HNMT: variants seen among roughly 807,000 people sequenced by gnomAD.
HNMT encodes histamine N-methyltransferase.
Under a neutral mutation model 32.1 loss-of-function variants are expected in HNMT, and 30 were observed. The ratio of observed to expected loss-of-function variants is 0.93; its 90% CI spans 0.70 to 1.27. The LOEUF is 1.27. Among genes scored for constraint, HNMT ranks in the 50% most tolerant of loss-of-function variants. The pLI is 0.00. For missense variants in HNMT, 327 were observed against 346.0 expected (o/e 0.95, Z 0.43); for synonymous variants, 125 against 119.0 (o/e 1.05, Z -0.33).
Position 138,013,886 on chromosome 2 carries a change from G to A in HNMT, c.635G>A (p.Gly212Glu). The A allele has an allele frequency of 1.2e-6, 2 of 1,613,696 alleles. No homozygotes were observed. Among genetic ancestry groups the A allele is most frequent in the Non-Finnish European group, 1.7e-6 (2 of 1,179,786 alleles). The change falls in exon 6 of 6, where the codon GGG (glycine) becomes GAG (glutamate). Residue 212 changes from glycine to glutamate, a missense_variant. Transcript: ENST00000280097. ...DDLTQMLDNLGLKYECYDLLS... is the reference protein window; with the variant it reads ...DDLTQMLDNLELKYECYDLLS... The stretch of plus-strand genomic sequence containing the variant: ...CTCACTCAGATGCTGGACAACCTAG[G>A]GCTTAAGTATGAGTGCTATGACCTT...
In HNMT at chr2:137,986,017, A is replaced by G. The variant is rs935267557; in HGVS notation, c.191-14901A>G. Among the ~76,000 whole-genome samples the G allele has an allele frequency of 5.3e-5, 8 of 152,212 alleles. No individual in the cohort carries two copies. In the East Asian group the frequency reaches 1.5e-3, roughly 29 times the overall value. ...TAAATAAAAATGTTTAATTAGATAC[A>G]TAATGGTAAATGTGGTACTAGTGTT... is the stretch of plus-strand genomic sequence containing the variant. On this transcript the variant is annotated intron_variant, in intron 2 of 5. Coordinates refer to ENST00000280097, the MANE Select transcript of HNMT (RefSeq NM_006895.3).
chr2:137,997,371 C>CA (rs1228335560), intron 2 of HNMT, among the ~76,000 whole-genome samples: 1 of 151,862 alleles, frequency 6.6e-6, no homozygotes, highest in African/African-American at 2.4e-5. Context: ...AAGATATGAA[C>CA]AGACACTTCT....
intron 4 of HNMT, among the ~76,000 whole-genome samples, chr2:138,003,312 C>T (rs1001912671): frequency 1.3e-5 from 2 of 152,080 alleles, no homozygotes; most frequent in Non-Finnish European, 2.9e-5. Flanking sequence ...ACTAACATTT[C>T]TGAATAGCAT....
intron 5 of HNMT, among the ~76,000 whole-genome samples, chr2:138,005,491 A>G (rs1681305192): frequency 6.6e-6 from 1 of 152,074 alleles, no homozygotes; most frequent in Admixed American, 6.6e-5. Context: ...TCCTTTTTAT[A>G]TAGCTTAAAT....
chr2:137,970,267 T>G, intron 2 of HNMT, 50 bp downstream of exon 2: 1 of 1,047,940 alleles, frequency 9.5e-7, no homozygotes, highest in Non-Finnish European at 1.4e-6. Context: ...ACCATTATGC[T>G]GTGTGATGAC....
chr2:138,002,264 ACTATT>A, intron 4 of HNMT, 70 bp downstream of exon 4: 1 of 1,124,404 alleles, frequency 8.9e-7, no homozygotes, highest in Non-Finnish European at 1.2e-6. Flanking sequence ...ATGAATATCT[ACTATT>A]CTAATTTTTA....
In HNMT at chr2:138,008,533, G is replaced by C. The variant is rs943738037; in HGVS notation, c.523+3308G>C. Among the ~76,000 whole-genome samples the C allele has an allele frequency of 5.4e-4, 82 of 151,664 alleles. 1 individual carries two copies. Among genetic ancestry groups the C allele is most frequent in the Admixed American group, 5.2e-3 (79 of 15,178 alleles). The stretch of plus-strand genomic sequence containing the variant: ...AATAGGTTTCCAAACCATACTATAG[G>C]GGGGTACAATAACCAAACAGCATGG... On this transcript the variant is annotated intron_variant, in intron 5 of 5. Transcript: ENST00000280097.
chr2:137,991,572 T>A (rs191543831), intron 2 of HNMT, among the ~76,000 whole-genome samples: 1 of 152,224 alleles, frequency 6.6e-6, no homozygotes, highest in East Asian at 1.9e-4. Context: ...AATAAAAGAC[T>A]ATTAACAAGG....
intron 2 of HNMT, among the ~76,000 whole-genome samples, chr2:137,990,363 C>T (rs1485782278): frequency 1.3e-5 from 2 of 152,116 alleles, no homozygotes; most frequent in Non-Finnish European, 2.9e-5. Flanking sequence ...ATTGTATTGC[C>T]TTTGCTCCCT....
At chr2:138,012,412 C>G (rs1681534124) in intron 5 of HNMT, among the ~76,000 whole-genome samples, 2 of 152,070 alleles carry the variant, frequency 1.3e-5, no homozygotes, top group Non-Finnish European at 2.9e-5. Flanking sequence ...ACAAACATTG[C>G]TAAAAGGTCT....
chr2:138,011,162 CA>C (rs1681492129), intron 5 of HNMT, among the ~76,000 whole-genome samples: 1 of 151,570 alleles, frequency 6.6e-6, no homozygotes, highest in African/African-American at 2.4e-5. Flanking sequence ...CTGACACCAG[CA>C]AATTTTTTGC....
rs115000119 is a variant in HNMT at position 137,992,176 on chromosome 2, G to C, written c.191-8742G>C. 6.2e-3 allele frequency among the ~76,000 whole-genome samples: 947 copies of C among 152,342 alleles called. 11 individuals carry two copies. The highest frequency in any genetic ancestry group is 0.021 in the African/African-American group (889 of 41,570). On this transcript the variant is annotated intron_variant, in intron 2 of 5. Coordinates refer to ENST00000280097, the MANE Select transcript of HNMT (RefSeq NM_006895.3). The stretch of plus-strand genomic sequence containing the variant: ...AGACTCTTAGCTTCTCGGTTGGAAG[G>C]AATCTGCTTAAGCCTACGGAACTCC...
intron 2 of HNMT, among the ~76,000 whole-genome samples, chr2:137,971,910 T>C (rs1680147334): frequency 1.3e-5 from 2 of 152,286 alleles, no homozygotes; most frequent in East Asian, 1.9e-4. Context: ...GTCTGAGTGA[T>C]AGTTCAGTAA....
intron 2 of HNMT, among the ~76,000 whole-genome samples, chr2:137,976,334 TA>T (rs1164115731): frequency 1.3e-5 from 2 of 149,502 alleles, no homozygotes; most frequent in East Asian, 3.9e-4. Context: ...CCTTGGGAGA[TA>T]AAAAGTCATT....
At chr2:137,970,039 C>T in intron 1 of HNMT, 126 bp from the exon 2 acceptor site, 1 of 536,150 alleles carries the variant, frequency 1.9e-6, no homozygotes, top group Non-Finnish European at 3.4e-6. Flanking sequence ...ATAATTGGGA[C>T]ATTTCATGTT....
chr2:138,011,859 GATTAT>G (rs1454146854), intron 5 of HNMT, among the ~76,000 whole-genome samples: 1 of 152,006 alleles, frequency 6.6e-6, no homozygotes, highest in East Asian at 1.9e-4. Flanking sequence ...TCTATAAATG[GATTAT>G]ATTATCACCC....
rs773012295 is a variant in HNMT at position 137,964,514 on chromosome 2, T to C, written c.23T>C (p.Leu8Ser). The change falls in exon 1 of 6, where the codon TTG becomes TCG. Residue 8 changes from leucine (L) to serine (S), a missense_variant. Coordinates refer to ENST00000280097, the MANE Select transcript of HNMT (RefSeq NM_006895.3). ...AATATGGCATCTTCCATGAGGAGCT[T>C]GTTTTCTGACCACGGGAAATATGTT... is the stretch of plus-strand genomic sequence containing the variant. MASSMRS[L>S]FSDHGKYVES... 1 of 1,613,840 alleles carries C rather than the reference T, an allele frequency of 6.2e-7. No individual in the cohort carries two copies. Among genetic ancestry groups the C allele is most frequent in the East Asian group, 2.2e-5 (1 of 44,856 alleles).
intron 2 of HNMT, among the ~76,000 whole-genome samples, chr2:137,982,141 G>A (rs1009950144): frequency 3.2e-4 from 49 of 152,090 alleles, no homozygotes; most frequent in African/African-American, 1.1e-3. Flanking sequence ...GAGCCACTGC[G>A]CCCAGCCTTA....
At chr2:137,976,586 G>A (rs1411646401) in intron 2 of HNMT, among the ~76,000 whole-genome samples, 2 of 152,014 alleles carry the variant, frequency 1.3e-5, no homozygotes, top group Non-Finnish European at 2.9e-5. Flanking sequence ...GACAACTTTG[G>A]GAATGGATTT....
Sources: gnomAD v4.1 joint callset for allele counts (sites outside exome capture counted in the v4.1 genomes callset) on GRCh38, gnomAD v4.1.1 for gene constraint, MANE v1.5 for transcripts, NCBI Gene and HGNC (gene_info 2026-07-23, HGNC 2026-07-21) for gene names.